The following DOP1A variants were observed in gnomAD, a reference collection of about 807,000 sequenced individuals.
The protein encoded by DOP1A is DOP1 leucine zipper like protein A, also known as protein DOP1A.
DOP1A carries 90 observed loss-of-function variants against 267.6 expected under a neutral mutation model. The ratio of observed to expected loss-of-function variants is 0.34; its 90% CI spans 0.28 to 0.40. The LOEUF is 0.40. Among genes scored for constraint, DOP1A ranks in the 10% least tolerant of loss-of-function variants. The pLI, the probability that DOP1A is intolerant of heterozygous loss-of-function variation, is 1.00. For missense variants in DOP1A, 2,437 were observed against 2,900.4 expected (o/e 0.84, Z 3.67); for synonymous variants, 932 against 999.1 (o/e 0.93, Z 1.27).
chr6:83,101,116 C>T (rs79856905), intron 4 of DOP1A, among the ~76,000 whole-genome samples: 2 of 152,008 alleles, frequency 1.3e-5, no homozygotes, highest in Admixed American at 1.3e-4. Flanking sequence ...CCCGGGTTCA[C>T]GCCATTCTCC....
intron 27 of DOP1A, among the ~76,000 whole-genome samples, chr6:83,149,480 A>G (rs986928726): frequency 6.6e-6 from 1 of 152,164 alleles, no homozygotes; most frequent in African/African-American, 2.4e-5. Context: ...GGGGCAAAGT[A>G]CCTTGTCTGA....
chr6:83,119,363 G>A (rs748529552), intron 8 of DOP1A, among the ~76,000 whole-genome samples: 1 of 152,080 alleles, frequency 6.6e-6, no homozygotes, highest in African/African-American at 2.4e-5. Context: ...ACATCATACA[G>A]TGTCCCACTC....
chr6:83,122,834 A>C, intron 11 of DOP1A, 29 bp from the exon 12 acceptor site: 1 of 1,399,584 alleles, frequency 7.1e-7, no homozygotes, highest in Non-Finnish European at 9.4e-7. Flanking sequence ...AATATTTTTT[A>C]GTTTTTGTTT....
chr6:83,110,090 G>A (rs1332883871), intron 5 of DOP1A, 35 bp from the exon 6 acceptor site: 3 of 1,509,902 alleles, frequency 2.0e-6, no homozygotes, highest in Non-Finnish European at 2.7e-6. Flanking sequence ...GAAACTAAAT[G>A]TTTCCCTTCT....
intron 30 of DOP1A, 62 bp from the exon 31 acceptor site, chr6:83,153,449 G>T: frequency 9.5e-7 from 1 of 1,048,848 alleles, no homozygotes; most frequent in Non-Finnish European, 1.4e-6. Flanking sequence ...CTGAAAATCA[G>T]TACCTTGGGA....
chr6:83,166,751 A>G, intron 38 of DOP1A: 1 of 1,119,566 alleles, frequency 8.9e-7, no homozygotes, highest in Non-Finnish European at 1.1e-6. Context: ...AGAAGAAAAT[A>G]AGCTGGATTT....
intron 1 of DOP1A, among the ~76,000 whole-genome samples, chr6:83,072,110 T>C (rs2127968143): frequency 6.6e-6 from 1 of 152,306 alleles, no homozygotes; most frequent in Non-Finnish European, 1.5e-5. Flanking sequence ...CACCTTCTAC[T>C]CTCCTGTGGA....
rs755794105 is a variant in DOP1A at position 83,118,935 on chromosome 6, A to C, written c.828A>C (p.Val276=). ...MIRILSAALH[V]VLRRDMSLNR... is the part of the protein sequence containing the mutation. The stretch of plus-strand genomic sequence containing the variant: ...GGATCTTGTCAGCAGCCCTTCATGT[A>C]GTGCTAAGGAGGGATATGTCTCTGA... Residue 276 remains valine (V), a synonymous_variant, in exon 8 of 39, where the codon GTA becomes GTC. Coordinates refer to ENST00000349129, the MANE Select transcript of DOP1A (RefSeq NM_015018.4). 4 of 1,613,534 alleles carry C rather than the reference A, an allele frequency of 2.5e-6. No homozygotes were observed. The highest frequency in any genetic ancestry group is 3.4e-6 in the Non-Finnish European group (4 of 1,179,676).
At chr6:83,135,532 A>G (rs1207472462) in intron 19 of DOP1A, 87 bp from the exon 20 acceptor site, 1 of 1,382,398 alleles carries the variant, frequency 7.2e-7, no homozygotes, top group Non-Finnish European at 9.7e-7. Context: ...TTAATTCAAA[A>G]TAAGAAACAG....
intron 36 of DOP1A, among the ~76,000 whole-genome samples, chr6:83,159,361 C>T (rs895516602): frequency 6.6e-6 from 1 of 152,080 alleles, no homozygotes; most frequent in African/African-American, 2.4e-5. Flanking sequence ...GCAGCCTCGA[C>T]CTCCCAGGCT....
intron 36 of DOP1A, among the ~76,000 whole-genome samples, chr6:83,159,230 G>A (rs762194950): frequency 1.3e-5 from 2 of 151,942 alleles, no homozygotes; most frequent in South Asian, 2.1e-4. Context: ...AAAGTTTCTC[G>A]CTTTTACAGT....
chr6:83,095,732 T>A (rs1360362325), intron 1 of DOP1A, among the ~76,000 whole-genome samples: 1 of 152,224 alleles, frequency 6.6e-6, no homozygotes, highest in Non-Finnish European at 1.5e-5. Context: ...TATTCCTGGC[T>A]TCGGGTAACT....
intron 4 of DOP1A, among the ~76,000 whole-genome samples, chr6:83,101,634 C>G (rs1772605426): frequency 6.6e-6 from 1 of 152,266 alleles, no homozygotes; most frequent in South Asian, 2.1e-4. Flanking sequence ...CCTCCTCTAC[C>G]CAAACTCCAC....
At position 83,162,875 on chromosome 6, in the gene DOP1A, C is replaced by A; in HGVS notation, c.7048C>A (p.Pro2350Thr). The change falls in exon 38 of 39, where the codon CCT (proline) becomes ACT (threonine). Residue 2350 changes from proline (P) to threonine (T), a missense_variant. Transcript: ENST00000349129. ...RQGIHQREFKPYVVRLAKLLR... is the reference protein window; with the variant it reads ...RQGIHQREFKTYVVRLAKLLR... ...GGGTATACATCAACGAGAATTTAAA[C>A]CTTACGTGGTACGACTAGCAAAACT... 1.9e-6 allele frequency: 3 copies of A among 1,613,288 alleles called. No individual in the cohort carries two copies. Among genetic ancestry groups the A allele is most frequent in the Non-Finnish European group, 2.5e-6 (3 of 1,179,474 alleles).
chr6:83,097,193 C>T (rs2128122363), intron 3 of DOP1A, 78 bp downstream of exon 3: 3 of 1,482,762 alleles, frequency 2.0e-6, no homozygotes, highest in African/African-American at 2.8e-5. Context: ...TTCTCGAAAT[C>T]TTGAAGTAAG....
chr6:83,082,376 A>G (rs1768253670), intron 1 of DOP1A, among the ~76,000 whole-genome samples: 1 of 152,252 alleles, frequency 6.6e-6, no homozygotes, highest in Non-Finnish European at 1.5e-5. Context: ...GGATGAACCT[A>G]GAGGACACTG....
At chr6:83,165,749 C>T in intron 38 of DOP1A, 1 of 238,978 alleles carries the variant, frequency 4.2e-6, no homozygotes, top group African/African-American at 2.3e-5. Flanking sequence ...CCAATTAGTT[C>T]AATTTTCGAA....
chr6:83,154,053 C>T lies in DOP1A; in HGVS notation c.6389+10C>T, dbSNP rs978290778. The stretch of plus-strand genomic sequence containing the variant: ...CCTCTTGTGTTAATCAGTAAGTTGC[C>T]CTCTTATTTGTATTCAGCATGATGC... On this transcript the variant is annotated intron_variant, in intron 32 of 38. Coordinates refer to ENST00000349129, the MANE Select transcript of DOP1A (RefSeq NM_015018.4). The T allele has an allele frequency of 2.5e-6, 4 of 1,613,470 alleles. No homozygotes were observed. The highest frequency in any genetic ancestry group is 2.7e-5 in the African/African-American group (2 of 74,810).
Position 83,129,434 on chromosome 6 carries a change from A to C in DOP1A, c.2267A>C (p.Glu756Ala), listed in dbSNP as rs1424888999. 1 of 1,593,578 alleles carries C rather than the reference A, an allele frequency of 6.3e-7. No individual in the cohort carries two copies. Among genetic ancestry groups the C allele is most frequent in the Non-Finnish European group, 8.5e-7 (1 of 1,174,110 alleles). ...AFLAACQLFL[E>A]CSSFPVYIAE... ...CTTGCTGCCTGTCAGCTCTTCCTAG[A>C]GTGCTCAAGTTTCCCAGTTTACATT... Residue 756 changes from glutamate (E) to alanine (A), a missense_variant, in exon 16 of 39, where the codon GAG becomes GCG. Transcript: ENST00000349129.
Sources: gnomAD v4.1 joint callset for allele counts (sites outside exome capture counted in the v4.1 genomes callset) on GRCh38, gnomAD v4.1.1 for gene constraint, MANE v1.5 for transcripts, NCBI Gene and HGNC (gene_info 2026-07-23, HGNC 2026-07-21) for gene names.